Variants in KCNK6 observed in about 807,000 individuals in gnomAD.
KCNK6 encodes potassium channel subfamily K member 6.
A neutral mutation model predicts 21.9 loss-of-function variants in KCNK6; 20 were observed. The ratio of observed to expected loss-of-function variants is 0.91; its 90% CI spans 0.64 to 1.32. The LOEUF is 1.32. Among genes scored for constraint, KCNK6 ranks in the 40% most tolerant of loss-of-function variants. KCNK6 has a pLI of 0.00. For missense variants in KCNK6, 415 were observed against 433.1 expected (o/e 0.96, Z 0.37); for synonymous variants, 210 against 218.0 (o/e 0.96, Z 0.32).
chr19:38,320,124 C>T lies in KCNK6; in HGVS notation c.174C>T (p.Ala58=), dbSNP rs754333263. The T allele has an allele frequency of 4.4e-6, 7 of 1,585,698 alleles. No individual in the cohort carries two copies. In the Admixed American group the frequency reaches 6.9e-5, roughly 16 times the overall value. The change falls in exon 1 of 3, where the codon GCC becomes GCT. Residue 58 remains alanine, a synonymous_variant. Transcript: ENST00000263372. ...LQRSPCVAAP[A]LDAFVERVLA... is the part of the protein sequence containing the mutation. The stretch of plus-strand genomic sequence containing the variant: ...GCAGCCCGTGTGTGGCTGCCCCCGC[C>T]CTGGACGCCTTCGTGGAGCGAGTGC...
At position 38,327,291 on chromosome 19, in the gene KCNK6, C is replaced by T. The variant is rs763294395; in HGVS notation, c.830C>T (p.Ala277Val). 3.1e-6 allele frequency: 5 copies of T among 1,613,770 alleles called. No homozygotes were observed. Among genetic ancestry groups the T allele is most frequent in the Non-Finnish European group, 2.5e-6 (3 of 1,180,014 alleles). ...ELILLPPPCP[A>V]SFNADEDDRV... ...ATCCTGCTGCCCCCTCCGTGCCCTG[C>T]CAGTTTCAATGCGGATGAGGACGAT... is the stretch of plus-strand genomic sequence containing the variant. Residue 277 changes from alanine (A) to valine (V), a missense_variant, in exon 3 of 3, where the codon GCC (alanine) becomes GTC (valine). Transcript: ENST00000263372.
rs781437400 is a variant in KCNK6, at chr19:38,327,399, G to A, written c.938G>A (p.Arg313Lys). 6.2e-7 allele frequency: 1 copy of A among 1,606,938 alleles called. No homozygotes were observed. Reference protein sequence around the residue: ...SSHTDYASIPR With the variant: ...SSHTDYASIPK ...CACACCGACTACGCTTCCATCCCCAGGTAGCTGGGGCAGCCTCTGCCAGGC... is the reference window on the plus strand; with the variant it reads ...CACACCGACTACGCTTCCATCCCCAAGTAGCTGGGGCAGCCTCTGCCAGGC... Residue 313 changes from arginine (R) to lysine (K), a missense_variant, in exon 3 of 3, where the codon AGG becomes AAG. Transcript: ENST00000263372.
chr19:38,326,719 C>T lies in KCNK6; in HGVS notation c.449C>T (p.Thr150Ile), dbSNP rs35762773. Residue 150 changes from threonine to isoleucine, a missense_variant, in exon 2 of 3, where the codon ACT becomes ATT. Coordinates refer to ENST00000263372, the MANE Select transcript of KCNK6 (RefSeq NM_004823.3). The part of the protein sequence containing the change: ...ASAQRLSLLL[T>I]HVPLSWLSMR... Reference sequence around the variant, plus strand: ...GCCCAGCGCCTGTCACTGCTGCTGACTCACGTGCCCCTGTCTTGGCTGAGC... The same window carrying T: ...GCCCAGCGCCTGTCACTGCTGCTGATTCACGTGCCCCTGTCTTGGCTGAGC... 7.9e-3 allele frequency: 12,718 copies of T among 1,604,946 alleles called. 627 individuals carry two copies. In the Admixed American group the frequency reaches 0.12, roughly 16 times the overall value.
rs75832035 is a variant in KCNK6 at position 38,328,596 on chromosome 19, T to C, written c.*1193T>C. ...GGCTCACGCCTATACACCCAGCACTTTGGAAGGCTGAGGAAGGAGGATCGC... is the reference window on the plus strand; with the variant it reads ...GGCTCACGCCTATACACCCAGCACTCTGGAAGGCTGAGGAAGGAGGATCGC... On this transcript the variant is annotated 3_prime_UTR_variant, in exon 3 of 3. Transcript: ENST00000263372. The C allele has an allele frequency of 1.3e-5, 2 of 152,272 alleles. No individual in the cohort carries two copies. The highest frequency in any genetic ancestry group is 4.1e-4 in the South Asian group (2 of 4,826). 9.4% of individuals were successfully genotyped at this position (152,272 alleles called of 1,614,324 possible).
At chr19:38,320,372 A>C in intron 1 of KCNK6, 100 bp downstream of exon 1, 7 of 1,253,250 alleles carry the variant, frequency 5.6e-6, no homozygotes, top group Non-Finnish European at 7.7e-6. Flanking sequence ...CCTTATCCCA[A>C]TCCCCTCTGG....
chr19:38,320,644 C>T (rs958317772), intron 1 of KCNK6, among the ~76,000 whole-genome samples: 1 of 151,944 alleles, frequency 6.6e-6, no homozygotes, highest in Non-Finnish European at 1.5e-5. Context: ...CGGCAGCCTC[C>T]GCCTCCCGGT....
chr19:38,327,186 T>C lies in KCNK6; in HGVS notation c.725T>C (p.Leu242Pro). Residue 242 changes from leucine to proline, a missense_variant, in exon 3 of 3, where the codon CTC becomes CCC. Physicochemically the swap from Leu to Pro is moderately conservative, Grantham distance 98. Coordinates refer to ENST00000263372, the MANE Select transcript of KCNK6 (RefSeq NM_004823.3). ...CCCTTCTCCGCCTTTACAGTCTACC[T>C]CTTCCTGGGCCTGGTGGCCATGGTG... ...ALYKVLVTVY[L>P]FLGLVAMVLV... The C allele has an allele frequency of 6.2e-7, 1 of 1,612,118 alleles. No homozygotes were observed. The highest frequency in any genetic ancestry group is 8.5e-7 in the Non-Finnish European group (1 of 1,180,004).
intron 1 of KCNK6, 138 bp from the exon 2 acceptor site, chr19:38,326,455 G>A: frequency 1.0e-6 from 1 of 981,842 alleles, no homozygotes; most frequent in Non-Finnish European, 1.5e-6. Flanking sequence ...GGAGGCTGAG[G>A]TGGTAGGATC....
chr19:38,327,159 G>A (rs758258945), intron 2 of KCNK6, 21 bp from the exon 3 acceptor site: 6 of 1,607,442 alleles, frequency 3.7e-6, no homozygotes, highest in South Asian at 2.2e-5. Flanking sequence ...GATGACCAAC[G>A]CCCCTTCTCC....
In KCNK6 at chr19:38,330,189, G is replaced by C. The variant is rs963440679; in HGVS notation, c.*2786G>C. ...CTACTAAAAATACAAAAATTAGCTG[G>C]GTGTGGTGGCACATGCCTGTAGTCC... is the stretch of plus-strand genomic sequence containing the variant. On this transcript the variant is annotated 3_prime_UTR_variant, in exon 3 of 3. Coordinates refer to ENST00000263372, the MANE Select transcript of KCNK6 (RefSeq NM_004823.3). 1.3e-5 allele frequency: 2 copies of C among 151,996 alleles called. No individual in the cohort carries two copies. The highest frequency in any genetic ancestry group is 2.9e-5 in the Non-Finnish European group (2 of 68,060). 9.4% of individuals were successfully genotyped at this position (151,996 alleles called of 1,614,324 possible).
Position 38,325,609 on chromosome 19 carries a change from G to A in KCNK6, c.323-984G>A. ...CATAGAGCATGCTAGAAGGTGTTAAGTGCTATGGGAAAAAAAAGTGTTGGG... is the reference window on the plus strand; with the variant it reads ...CATAGAGCATGCTAGAAGGTGTTAAATGCTATGGGAAAAAAAAGTGTTGGG... On this transcript the variant is annotated intron_variant, in intron 1 of 2. Transcript: ENST00000263372. 4 of 911,012 alleles carry A rather than the reference G, an allele frequency of 4.4e-6. No individual in the cohort carries two copies. In the African/African-American group the frequency reaches 5.4e-5, roughly 12 times the overall value. The allele number at this position is 911,012 out of a possible 1,614,324, so 56.4% of individuals were successfully genotyped here. A position where few individuals can be genotyped will look rare whatever the true frequency, so the allele number is the denominator to read the frequency against.
Position 38,320,407 on chromosome 19 carries a change from C to T in KCNK6, c.322+135C>T, listed in dbSNP as rs1969637548. 6 of 931,488 alleles carry T rather than the reference C, an allele frequency of 6.4e-6. No individual in the cohort carries two copies. In the East Asian group the frequency reaches 1.7e-4, roughly 26 times the overall value. The allele number at this position is 931,488 out of a possible 1,614,324, so 57.7% of individuals were successfully genotyped here. A position where few individuals can be genotyped will look rare whatever the true frequency, so the allele number is the denominator to read the frequency against. On this transcript the variant is annotated intron_variant, in intron 1 of 2. Transcript: ENST00000263372. ...GGCTTCGGATCCCCCGAAAAGACCCCAGTGAGGACCCGGGACCCAGGCTCA... is the reference window on the plus strand; with the variant it reads ...GGCTTCGGATCCCCCGAAAAGACCCTAGTGAGGACCCGGGACCCAGGCTCA...
In KCNK6 at chr19:38,328,467, C is replaced by T. The variant is rs1463028105; in HGVS notation, c.*1064C>T. On this transcript the variant is annotated 3_prime_UTR_variant, in exon 3 of 3. Coordinates refer to ENST00000263372, the MANE Select transcript of KCNK6 (RefSeq NM_004823.3). ...AAATCCCAACTTAGCCACGTCTGGCCTGTGTCCTTGGGCAGTCACACTACC... is the reference window on the plus strand; with the variant it reads ...AAATCCCAACTTAGCCACGTCTGGCTTGTGTCCTTGGGCAGTCACACTACC... The T allele has an allele frequency of 6.6e-6, 1 of 152,264 alleles. No homozygotes were observed. The highest frequency in any genetic ancestry group is 6.5e-5 in the Admixed American group (1 of 15,280). 9.4% of individuals were successfully genotyped at this position (152,264 alleles called of 1,614,324 possible).
rs1969763095 is a variant in KCNK6, at chr19:38,330,888, C to A, written c.*3485C>A. On this transcript the variant is annotated 3_prime_UTR_variant, in exon 3 of 3. Coordinates refer to ENST00000263372, the MANE Select transcript of KCNK6 (RefSeq NM_004823.3). ...TCTAGCCCTTTCTCAGCCTCCCAAC[C>A]TTCTCGGTTCCTTACCTATGTCACA... is the stretch of plus-strand genomic sequence containing the variant. The A allele has an allele frequency of 6.6e-6, 1 of 152,202 alleles. No homozygotes were observed. The highest frequency in any genetic ancestry group is 6.5e-5 in the Admixed American group (1 of 15,272). 9.4% of individuals were successfully genotyped at this position (152,202 alleles called of 1,614,324 possible). A position where few individuals can be genotyped will look rare whatever the true frequency, so the allele number is the denominator to read the frequency against.
At chr19:38,320,677 G>A (rs1969641697) in intron 1 of KCNK6, among the ~76,000 whole-genome samples, 1 of 151,962 alleles carries the variant, frequency 6.6e-6, no homozygotes, top group Non-Finnish European at 1.5e-5. Context: ...TCCTGCTTCA[G>A]CCTGCCGAGT....
At chr19:38,324,710 T>C (rs1196534160) in intron 1 of KCNK6, among the ~76,000 whole-genome samples, 2 of 152,194 alleles carry the variant, frequency 1.3e-5, no homozygotes, top group East Asian at 3.8e-4. Flanking sequence ...CAAAAGGCCA[T>C]GTATCCAGCT....
At position 38,324,130 on chromosome 19, in the gene KCNK6, A is replaced by G. The variant is rs140276886; in HGVS notation, c.323-2463A>G. Among the ~76,000 whole-genome samples the G allele has an allele frequency of 4.5e-3, 677 of 150,186 alleles. 6 individuals are homozygous for G. The highest frequency in any genetic ancestry group is 0.016 in the African/African-American group (635 of 40,826). ...TTTTTTACAGAGATAGGGTCTTGCT[A>G]TGTTACCCAGGCTGGTGTCAAACTC... is the stretch of plus-strand genomic sequence containing the variant. On this transcript the variant is annotated intron_variant, in intron 1 of 2. Transcript: ENST00000263372.
At chr19:38,325,186 G>A (rs1393522039) in intron 1 of KCNK6, 1 of 150,900 alleles carries the variant, frequency 6.6e-6, no homozygotes, top group African/African-American at 2.5e-5. Flanking sequence ...GCACAATCTT[G>A]GCTCACTGCA....
At position 38,320,224 on chromosome 19, in the gene KCNK6, G is replaced by C. The variant is rs573988236; in HGVS notation, c.274G>C (p.Asp92His). The C allele has an allele frequency of 1.6e-5, 25 of 1,604,864 alleles. No homozygotes were observed. Among genetic ancestry groups the C allele is most frequent in the Non-Finnish European group, 2.1e-5 (25 of 1,179,786 alleles). ...CGCCAACGCCTCGGACCCCGCCTGGGACTTCGCCTCTGCTCTCTTCTTCGC... is the reference window on the plus strand; with the variant it reads ...CGCCAACGCCTCGGACCCCGCCTGGCACTTCGCCTCTGCTCTCTTCTTCGC... ...GSANASDPAW[D>H]FASALFFAST... Residue 92 changes from aspartate (D) to histidine (H), a missense_variant, in exon 1 of 3, where the codon GAC becomes CAC. Coordinates refer to ENST00000263372, the MANE Select transcript of KCNK6 (RefSeq NM_004823.3).
Sources: gnomAD v4.1 joint callset for allele counts (sites outside exome capture counted in the v4.1 genomes callset) on GRCh38, gnomAD v4.1.1 for gene constraint, MANE v1.5 for transcripts, NCBI Gene and HGNC (gene_info 2026-07-23, HGNC 2026-07-21) for gene names.